The following CYRIB variants were observed in gnomAD, a reference collection of about 807,000 sequenced individuals.
CYRIB encodes CYFIP-related Rac1 interactor B.
A neutral mutation model predicts 44.2 loss-of-function variants in CYRIB; 8 were observed. The ratio of observed to expected loss-of-function variants is 0.18; its 90% CI spans 0.11 to 0.33. The LOEUF (loss-of-function observed/expected upper bound fraction) is 0.33. Ranked by LOEUF, CYRIB falls within the 10% of genes least tolerant of loss-of-function variation. CYRIB has a pLI of 1.00. For synonymous variants in CYRIB, 131 were observed against 127.2 expected (o/e 1.03, Z -0.20); for missense variants, 185 against 382.8 (o/e 0.48, Z 4.31).
Position 130,011,392 on chromosome 8 carries a change from G to A in CYRIB, c.-296+4978C>T, listed in dbSNP as rs541393439. 1.2e-4 allele frequency among the ~76,000 whole-genome samples: 19 copies of A among 152,212 alleles called. No homozygotes were observed. In the East Asian group the frequency reaches 1.9e-3, roughly 16 times the overall value. ...AAAAATTAGCCTGGTGTGGTGGTAC[G>A]CGCCTGTAATCCCAGCTACTCGGGA... On this transcript the variant is annotated intron_variant, in intron 1 of 14. Transcript: ENST00000401979.
chr8:129,903,439 G>A (rs1049867488), intron 1 of CYRIB, 89 bp from the exon 4 acceptor site: 3 of 152,412 alleles, frequency 2.0e-5, no homozygotes, highest in Non-Finnish European at 4.4e-5. Flanking sequence ...TAAAGTTTAC[G>A]AATGCCATCA....
chr8:129,974,887 A>ATTT lies in CYRIB; in HGVS notation c.-295-3895_-295-3893dup, dbSNP rs1280918019. Among the ~76,000 whole-genome samples, 114 of 139,550 alleles carry ATTT rather than the reference A, an allele frequency of 8.2e-4. 1 individual carries two copies. Among genetic ancestry groups the ATTT allele is most frequent in the African/African-American group, 2.7e-3 (104 of 37,876 alleles). 91.6% of individuals were successfully genotyped at this position (139,550 alleles called of 152,430 possible). A position where few individuals can be genotyped will look rare whatever the true frequency, so the allele number is the denominator to read the frequency against. On this transcript the variant is annotated intron_variant, in intron 1 of 14. Transcript: ENST00000401979. ...AGGCACGTGCCACCACACCCAGATA[A>ATTT]TTTTTTTTTTTTTTTGAGACGGAAT... is the stretch of plus-strand genomic sequence containing the variant.
intron 2 of CYRIB, among the ~76,000 whole-genome samples, chr8:129,960,886 G>A (rs982725316): frequency 6.7e-6 from 1 of 148,802 alleles, no homozygotes; most frequent in Non-Finnish European, 1.5e-5. Flanking sequence ...GGAGGCGGAG[G>A]TTGCAGTGAG....
At chr8:129,905,588 T>C (rs1393731351) in intron 1 of CYRIB, among the ~76,000 whole-genome samples, 4 of 152,214 alleles carry the variant, frequency 2.6e-5, no homozygotes, top group Non-Finnish European at 5.9e-5. Context: ...CTTGGATCAA[T>C]ATTACTAGAA....
At chr8:130,016,228 C>A (rs1295789845) in intron 1 of CYRIB, 142 bp downstream of exon 1, 1 of 147,156 alleles carries the variant, frequency 6.8e-6, no homozygotes, top group Non-Finnish European at 1.5e-5. Context: ...CCCGGCCCGG[C>A]GGCCCGGATG....
intron 1 of CYRIB, among the ~76,000 whole-genome samples, chr8:130,009,952 G>A (rs2097182630): frequency 6.6e-6 from 1 of 152,206 alleles, no homozygotes; most frequent in Admixed American, 6.5e-5. Flanking sequence ...CGGCCAGACA[G>A]AGCCAGTGAC....
intron 2 of CYRIB, among the ~76,000 whole-genome samples, chr8:129,968,358 T>G (rs939197382): frequency 3.3e-5 from 5 of 152,256 alleles, no homozygotes; most frequent in African/African-American, 1.2e-4. Flanking sequence ...CCTATTCTTT[T>G]TCCATCTTTC....
chr8:129,928,390 T>C (rs1313657237), intron 1 of CYRIB, among the ~76,000 whole-genome samples: 1 of 148,800 alleles, frequency 6.7e-6, no homozygotes, highest in African/African-American at 2.5e-5. Flanking sequence ...TATTTGCACA[T>C]AATGTATCTG....
At chr8:129,850,988 C>G (rs554637443) in intron 8 of CYRIB, 74 bp from the exon 11 acceptor site, 1 of 991,982 alleles carries the variant, frequency 1.0e-6, no homozygotes, top group Non-Finnish European at 1.5e-6. Flanking sequence ...TAAAATTTAG[C>G]GTAATATGAA....
At chr8:129,925,861 A>T (rs2087364217) in intron 1 of CYRIB, among the ~76,000 whole-genome samples, 1 of 152,234 alleles carries the variant, frequency 6.6e-6, no homozygotes, top group African/African-American at 2.4e-5. Flanking sequence ...CATCCCTCCA[A>T]CAAAGACAGA....
chr8:129,921,427 G>A (rs1408694207), intron 1 of CYRIB, among the ~76,000 whole-genome samples: 1 of 152,126 alleles, frequency 6.6e-6, no homozygotes, highest in Non-Finnish European at 1.5e-5. Flanking sequence ...AAAGTTTTGG[G>A]CAACCAGATA....
chr8:129,888,753 G>C (rs2063798147), intron 2 of CYRIB, among the ~76,000 whole-genome samples: 2 of 152,070 alleles, frequency 1.3e-5, no homozygotes. Flanking sequence ...ACAATGCCTG[G>C]GATGTAGTTG....
chr8:129,937,495 G>T (rs1194677688), intron 1 of CYRIB, among the ~76,000 whole-genome samples: 2 of 152,172 alleles, frequency 1.3e-5, no homozygotes, highest in Non-Finnish European at 2.9e-5. Flanking sequence ...TCTCAAGAGG[G>T]ACACTAATTT....
At chr8:129,899,028 T>C (rs1207001859) in intron 2 of CYRIB, among the ~76,000 whole-genome samples, 1 of 152,110 alleles carries the variant, frequency 6.6e-6, no homozygotes, top group Non-Finnish European at 1.5e-5. Flanking sequence ...CAGGCCCGGC[T>C]AATTTTTGTA....
intron 2 of CYRIB, among the ~76,000 whole-genome samples, chr8:129,887,142 G>A (rs973425832): frequency 6.6e-6 from 1 of 152,184 alleles, no homozygotes; most frequent in Non-Finnish European, 1.5e-5. Flanking sequence ...CAGAGGCCAA[G>A]AGGGGAAGAA....
At chr8:129,911,297 T>C (rs1336333327) in intron 1 of CYRIB, among the ~76,000 whole-genome samples, 1 of 152,106 alleles carries the variant, frequency 6.6e-6, no homozygotes, top group African/African-American at 2.4e-5. Context: ...AAGTAGTTTG[T>C]CCAAGGTCAT....
chr8:130,015,528 C>G (rs1793304198), intron 1 of CYRIB, among the ~76,000 whole-genome samples: 1 of 152,176 alleles, frequency 6.6e-6, no homozygotes, highest in South Asian at 2.1e-4. Flanking sequence ...GACACTCCCC[C>G]GCAGCCCCAG....
At chr8:129,861,556 A>T (rs984251854) in intron 5 of CYRIB, among the ~76,000 whole-genome samples, 21 of 151,676 alleles carry the variant, frequency 1.4e-4, no homozygotes, top group Non-Finnish European at 2.5e-4. Context: ...CTCCCACCTC[A>T]GCCTCCAGAG....
chr8:129,883,410 A>G (rs1467669528), intron 2 of CYRIB, among the ~76,000 whole-genome samples: 1 of 152,130 alleles, frequency 6.6e-6, no homozygotes, highest in East Asian at 1.9e-4. Context: ...AATTCGCTCT[A>G]CCACATAGCA....
Sources: allele counts gnomAD v4.1 joint callset (sites outside exome capture counted in the v4.1 genomes callset), GRCh38; gene constraint gnomAD v4.1.1; transcripts MANE v1.5; gene names NCBI Gene and HGNC (gene_info 2026-07-23, HGNC 2026-07-21).